Variants in SLC4A7 observed in about 807,000 individuals in gnomAD.
SLC4A7 encodes the protein solute carrier family 4 member 7.
A neutral mutation model predicts 137.6 loss-of-function variants in SLC4A7; 51 were observed. That is an observed-to-expected ratio of 0.37 (90% CI 0.30 to 0.47). The LOEUF (loss-of-function observed/expected upper bound fraction) is 0.47, where lower values mean the gene tolerates loss of function less well. Among genes scored for constraint, SLC4A7 ranks in the 20% least tolerant of loss-of-function variants. SLC4A7 has a pLI of 1.00. For synonymous variants in SLC4A7, 542 were observed against 518.6 expected (o/e 1.05, Z -0.61); for missense variants, 1,247 against 1,525.4 (o/e 0.82, Z 3.04).
chr3:27,422,794 A>C (rs2055125684), intron 8 of SLC4A7: 1 of 456,008 alleles, frequency 2.2e-6, no homozygotes, highest in African/African-American at 2.0e-5. Flanking sequence ...GGGCCTCTTG[A>C]GTCCCACACC....
At position 27,373,568 on chromosome 3, in the gene SLC4A7, C is replaced by A. The variant is rs2049705280; in HGVS notation, c.*3196G>T. 6.6e-6 allele frequency: 1 copy of A among 152,086 alleles called. No individual in the cohort carries two copies. Among genetic ancestry groups the A allele is most frequent in the South Asian group, 2.1e-4 (1 of 4,834 alleles). 9.4% of individuals were successfully genotyped at this position (152,086 alleles called of 1,614,324 possible). ...CAGTTGAAATCTGAGCACTTTAAAA[C>A]AGGATTCACATGTTAAACTGCTGAG... is the stretch of plus-strand genomic sequence containing the variant. On this transcript the variant is annotated 3_prime_UTR_variant, in exon 26 of 26. Transcript: ENST00000454389.
intron 2 of SLC4A7, among the ~76,000 whole-genome samples, chr3:27,450,234 C>A (rs1459188001): frequency 2.6e-5 from 4 of 152,078 alleles, no homozygotes; most frequent in Admixed American, 2.6e-4. Context: ...CAGCCTAGCA[C>A]ATGGTAAGTA....
At chr3:27,395,209 C>A in intron 18 of SLC4A7, 94 bp from the exon 19 acceptor site, 2 of 786,228 alleles carry the variant, frequency 2.5e-6, no homozygotes, top group Non-Finnish European at 3.8e-6. Context: ...AAGAAATACC[C>A]AACGAATGGG....
chr3:27,438,593 AATAAC>A (rs144628283), intron 3 of SLC4A7, among the ~76,000 whole-genome samples: 23,081 of 151,526 alleles, frequency 0.15, 1,927 homozygotes, highest in South Asian at 0.27. Flanking sequence ...CATAAAATAA[AATAAC>A]ATAACATAAA....
intron 22 of SLC4A7, 104 bp from the exon 23 acceptor site, chr3:27,386,127 A>G (rs13075550): frequency 0.23 from 193,212 of 846,806 alleles, 24,260 homozygotes; most frequent in Non-Finnish European, 0.26. Flanking sequence ...TGCTTCATAT[A>G]GTTTAAAAAT....
chr3:27,374,040 A>G lies in SLC4A7; in HGVS notation c.*2724T>C, dbSNP rs568151045. 1.3e-5 allele frequency: 2 copies of G among 152,672 alleles called. No individual in the cohort carries two copies. Among genetic ancestry groups the G allele is most frequent in the African/African-American group, 4.8e-5 (2 of 41,586 alleles). The allele number at this position is 152,672 out of a possible 1,614,324, so 9.5% of individuals were successfully genotyped here. On this transcript the variant is annotated 3_prime_UTR_variant, in exon 26 of 26. Coordinates refer to ENST00000454389, the MANE Select transcript of SLC4A7 (RefSeq NM_001321103.2). ...ATATCATTAAAGAATATATAGAATCATCCTTTTATCATAAGGAATTTACAT... is the reference window on the plus strand; with the variant it reads ...ATATCATTAAAGAATATATAGAATCGTCCTTTTATCATAAGGAATTTACAT...
chr3:27,424,715 C>T (rs2055368682), intron 7 of SLC4A7, among the ~76,000 whole-genome samples: 1 of 152,124 alleles, frequency 6.6e-6, no homozygotes, highest in South Asian at 2.1e-4. Context: ...GTCATTACTC[C>T]TAAGAAATCC....
chr3:27,414,115 A>G (rs2054162023), intron 11 of SLC4A7, among the ~76,000 whole-genome samples: 1 of 152,148 alleles, frequency 6.6e-6, no homozygotes, highest in African/African-American at 2.4e-5. Flanking sequence ...CCCCATCTCT[A>G]TTAAAAATAC....
intron 1 of SLC4A7, among the ~76,000 whole-genome samples, chr3:27,475,819 TGA>T (rs2059439131): frequency 6.6e-6 from 1 of 152,124 alleles, no homozygotes; most frequent in African/African-American, 2.4e-5. Context: ...AAAATATTAC[TGA>T]AAGGACTCTA....
intron 24 of SLC4A7, among the ~76,000 whole-genome samples, chr3:27,382,857 T>A (rs964980715): frequency 3.3e-5 from 5 of 152,216 alleles, no homozygotes; most frequent in African/African-American, 1.2e-4. Context: ...CAGACTCATG[T>A]ACTGATTTTA....
Position 27,383,003 on chromosome 3 carries a change from T to C in SLC4A7, c.3590+150A>G, listed in dbSNP as rs148668061. On this transcript the variant is annotated intron_variant, in intron 24 of 25. Transcript: ENST00000454389. ...AGGAGCAAGGGACTTCCTTTTCAAA[T>C]TGTGTGAAGCCCTCCTTTAGTTGAT... 983 of 586,710 alleles carry C rather than the reference T, an allele frequency of 1.7e-3. 2 individuals carry two copies. Among genetic ancestry groups the C allele is most frequent in the African/African-American group, 0.016 (841 of 52,466 alleles). The allele number at this position is 586,710 out of a possible 1,614,324, so 36.3% of individuals were successfully genotyped here. A position where few individuals can be genotyped will look rare whatever the true frequency, so the allele number is the denominator to read the frequency against.
chr3:27,461,538 A>G (rs1346169152), intron 1 of SLC4A7, among the ~76,000 whole-genome samples: 1 of 151,872 alleles, frequency 6.6e-6, no homozygotes, highest in African/African-American at 2.4e-5. Flanking sequence ...TTGGTAGACC[A>G]AGGCTGGAGG....
intron 1 of SLC4A7, among the ~76,000 whole-genome samples, chr3:27,478,061 T>A (rs73050094): frequency 0.18 from 27,685 of 152,134 alleles, 2,932 homozygotes; most frequent in Non-Finnish European, 0.25. Context: ...TTTTCCAAAT[T>A]GGGAAATCTG....
chr3:27,443,116 C>CT (rs1456230682), intron 3 of SLC4A7, among the ~76,000 whole-genome samples: 5 of 143,932 alleles, frequency 3.5e-5, no homozygotes, highest in Non-Finnish European at 7.5e-5. Context: ...ACTGCAACCT[C>CT]TGCCTCCCGC....
chr3:27,424,342 T>C (rs2055322478), intron 7 of SLC4A7, 190 bp from the exon 8 acceptor site: 1 of 396,770 alleles, frequency 2.5e-6, no homozygotes, highest in Admixed American at 4.3e-5. Flanking sequence ...ACCAAAGCTA[T>C]ACATTTTAAT....
At chr3:27,463,053 C>G (rs931561243) in intron 1 of SLC4A7, among the ~76,000 whole-genome samples, 2 of 151,222 alleles carry the variant, frequency 1.3e-5, no homozygotes, top group Non-Finnish European at 2.9e-5. Flanking sequence ...CTTTGTGAGG[C>G]GGGGGCAGAG....
At chr3:27,453,314 T>TC (rs2058200840) in intron 1 of SLC4A7, among the ~76,000 whole-genome samples, 1 of 152,130 alleles carries the variant, frequency 6.6e-6, no homozygotes, top group African/African-American at 2.4e-5. Flanking sequence ...CAAATACCCT[T>TC]CCCTCAAAAA....
At chr3:27,402,319 T>C (rs1464936931) in intron 15 of SLC4A7, among the ~76,000 whole-genome samples, 1 of 152,184 alleles carries the variant, frequency 6.6e-6, no homozygotes, top group Non-Finnish European at 1.5e-5. Flanking sequence ...TACTTTATTC[T>C]AGAATTTAAA....
intron 21 of SLC4A7, among the ~76,000 whole-genome samples, chr3:27,391,236 ATCT>A (rs1434242395): frequency 6.6e-6 from 1 of 152,210 alleles, no homozygotes; most frequent in African/African-American, 2.4e-5. Flanking sequence ...TTAGCTAATA[ATCT>A]TCAATAAGTC....
Sources: gnomAD v4.1 joint callset for allele counts (sites outside exome capture counted in the v4.1 genomes callset) on GRCh38, gnomAD v4.1.1 for gene constraint, MANE v1.5 for transcripts, NCBI Gene and HGNC (gene_info 2026-07-23, HGNC 2026-07-21) for gene names.